The following PXDN variants were observed in gnomAD, a reference collection of about 807,000 sequenced individuals.
PXDN encodes the protein peroxidasin.
A neutral mutation model predicts 140.3 loss-of-function variants in PXDN; 77 were observed. The observed-to-expected ratio is 0.55, with a 90% CI of 0.46 to 0.66. PXDN has a LOEUF of 0.66. Among genes scored for constraint, PXDN ranks in the 30% least tolerant of loss-of-function variants. The pLI is 0.00. For missense variants in PXDN, 1,838 were observed against 2,039.5 expected, an observed-to-expected ratio of 0.90 and a Z score of 1.90; for synonymous variants, 911 against 857.4, an observed-to-expected ratio of 1.06 and a Z score of -1.09.
intron 1 of PXDN, among the ~76,000 whole-genome samples, chr2:1,733,767 A>AAAAAAAG (rs1685365207): frequency 2.7e-5 from 4 of 149,494 alleles, no homozygotes; most frequent in Non-Finnish European, 5.9e-5. Flanking sequence ...AAAAAAAAAA[A>AAAAAAAG]GCAGTGTCAG....
At chr2:1,662,682 G>T (rs1276445315) in intron 12 of PXDN, among the ~76,000 whole-genome samples, 1 of 152,170 alleles carries the variant, frequency 6.6e-6, no homozygotes, top group Non-Finnish European at 1.5e-5. Context: ...TCCCACCCCC[G>T]CATTCTCTAT....
chr2:1,720,722 TCTCACA>T (rs1448680468), intron 1 of PXDN, among the ~76,000 whole-genome samples: 7,009 of 40,418 alleles, frequency 0.17, 563 homozygotes, highest in South Asian at 0.26. Context: ...TCTCTCTCTC[TCTCACA>T]CACACACACA....
At chr2:1,735,256 G>A (rs1244492649) in intron 1 of PXDN, among the ~76,000 whole-genome samples, 1 of 152,160 alleles carries the variant, frequency 6.6e-6, no homozygotes, top group Non-Finnish European at 1.5e-5. Context: ...ACATGTTGAT[G>A]TTTTGACCCC....
intron 1 of PXDN, among the ~76,000 whole-genome samples, chr2:1,735,283 G>T (rs1343827043): frequency 6.6e-6 from 1 of 152,164 alleles, no homozygotes; most frequent in African/African-American, 2.4e-5. Context: ...AATCAAAAAT[G>T]TTCTTAATGG....
intron 1 of PXDN, among the ~76,000 whole-genome samples, chr2:1,700,532 G>A (rs1332970390): frequency 3.3e-5 from 5 of 152,122 alleles, no homozygotes; most frequent in Non-Finnish European, 7.3e-5. Context: ...GTGCCTTCCT[G>A]AAGTAAATCA....
rs74489458 is a variant in PXDN, at chr2:1,735,038, C to A, written c.200+9218G>T. Among the ~76,000 whole-genome samples, 590 of 152,320 alleles carry A rather than the reference C, an allele frequency of 3.9e-3. 3 individuals are homozygous for A. The highest frequency in any genetic ancestry group is 0.013 in the African/African-American group (544 of 41,574). ...CAGGAGTAGAATTCATCTCAAGAAG[C>A]CACTTTTTATGCTCATCCATAGACA... On this transcript the variant is annotated intron_variant, in intron 1 of 22. Coordinates refer to ENST00000252804, the MANE Select transcript of PXDN (RefSeq NM_012293.3).
Position 1,660,274 on chromosome 2 carries a change from C to A in PXDN, c.1837+607G>T, listed in dbSNP as rs949467922. Among the ~76,000 whole-genome samples, 1 of 152,138 alleles carries A rather than the reference C, an allele frequency of 6.6e-6. No homozygotes were observed. The highest frequency in any genetic ancestry group is 1.5e-5 in the Non-Finnish European group (1 of 68,038). ...GCCAGAGTGACCCGGGCCTCTGTTA[C>A]AAGAACCCGGACAAGATGCCAAGGG... On this transcript the variant is annotated intron_variant, in intron 14 of 22. Coordinates refer to ENST00000252804, the MANE Select transcript of PXDN (RefSeq NM_012293.3). The surrounding 1 kb of genome is among the most constrained non-coding windows in gnomAD (Gnocchi z 4.6).
chr2:1,743,540 T>C (rs1276004345), intron 1 of PXDN, among the ~76,000 whole-genome samples: 2 of 137,322 alleles, frequency 1.5e-5, no homozygotes, highest in African/African-American at 5.5e-5. Context: ...CTGCGGGAAC[T>C]GAGGCTCCTC....
chr2:1,648,500 C>A lies in PXDN; in HGVS notation c.3280G>T (p.Asp1094Tyr). Residue 1094 changes from aspartate to tyrosine, a missense_variant, in exon 17 of 23, where the codon GAT becomes TAT. By Grantham distance (160) the Asp-to-Tyr change is radical. This residue lies in a region of PXDN where 850 missense variants were observed against 894.1 expected (regional missense o/e 0.95). Transcript: ENST00000252804. The surrounding 1 kb of genome is among the most constrained non-coding windows in gnomAD (Gnocchi z 8.9). ...AAAGCTTTGTGAAGGGGGAGGTGAT[C>A]TTGTGCAATGGGCTGGAAGTTCTCG... ...LDENFQPIAQ[D>Y]HLPLHKAFFS... 1 of 1,612,484 alleles carries A rather than the reference C, an allele frequency of 6.2e-7. No individual in the cohort carries two copies. The highest frequency in any genetic ancestry group is 1.6e-4 in the Middle Eastern group (1 of 6,062).
In PXDN at chr2:1,648,237, C is replaced by T. The variant is rs372544508; in HGVS notation, c.3543G>A (p.Ala1181=). The T allele has an allele frequency of 9.9e-6, 16 of 1,613,780 alleles. No individual in the cohort carries two copies. Among genetic ancestry groups the T allele is most frequent in the African/African-American group, 4.0e-5 (3 of 74,882 alleles). ...TTTTCAGGTCCTCGAACGTGTGTGC[C>T]GCCGATAGATTGCAGTAGACCCTGT... ...HDYRVYCNLS[A]AHTFEDLKNE... is the part of the protein sequence containing the mutation. Residue 1181 remains alanine (A), a synonymous_variant, in exon 17 of 23, where the codon GCG becomes GCA. Transcript: ENST00000252804. This position sits in a 1 kb window ranked among gnomAD's most constrained non-coding sequence, Gnocchi z 8.9.
At chr2:1,737,470 T>C (rs113208634) in intron 1 of PXDN, among the ~76,000 whole-genome samples, 1 of 152,286 alleles carries the variant, frequency 6.6e-6, no homozygotes, top group African/African-American at 2.4e-5. Flanking sequence ...AGACATCTTT[T>C]AGATTTACTA....
intron 1 of PXDN, among the ~76,000 whole-genome samples, chr2:1,694,716 T>C (rs1347926452): frequency 1.3e-5 from 2 of 152,160 alleles, no homozygotes; most frequent in South Asian, 2.1e-4. Flanking sequence ...ACTCTCCACG[T>C]AGGAGCTGCT....
rs72763565 is a variant in PXDN, at chr2:1,660,283, G to A, written c.1837+598C>T. Reference sequence around the variant, plus strand: ...ACCCGGGCCTCTGTTACAAGAACCCGGACAAGATGCCAAGGGCCTCGGGGT... The same window carrying A: ...ACCCGGGCCTCTGTTACAAGAACCCAGACAAGATGCCAAGGGCCTCGGGGT... On this transcript the variant is annotated intron_variant, in intron 14 of 22. Coordinates refer to ENST00000252804, the MANE Select transcript of PXDN (RefSeq NM_012293.3). This position sits in a 1 kb window ranked among gnomAD's most constrained non-coding sequence, Gnocchi z 4.6. 1.1e-3 allele frequency among the ~76,000 whole-genome samples: 162 copies of A among 152,260 alleles called. No homozygotes were observed. The highest frequency in any genetic ancestry group is 1.7e-3 in the Non-Finnish European group (119 of 68,020).
chr2:1,679,847 GTA>G (rs1219356667), intron 7 of PXDN, among the ~76,000 whole-genome samples: 12 of 145,992 alleles, frequency 8.2e-5, no homozygotes, highest in South Asian at 2.2e-4. Flanking sequence ...GTGTGTGTGT[GTA>G]TGTGCGTGTG....
In PXDN at chr2:1,649,716, G is replaced by A. The variant is rs759958831; in HGVS notation, c.2105-41C>T. ...AAGCAAGACGCACTCAATTCCCCTG[G>A]AGGATGTGTGAGGGCCCGGTACCCC... On this transcript the variant is annotated intron_variant, in intron 16 of 22. Coordinates refer to ENST00000252804, the MANE Select transcript of PXDN (RefSeq NM_012293.3). The surrounding 1 kb of genome is among the most constrained non-coding windows in gnomAD (Gnocchi z 7.1). The A allele has an allele frequency of 6.2e-7, 1 of 1,601,656 alleles. No homozygotes were observed. Among genetic ancestry groups the A allele is most frequent in the Non-Finnish European group, 8.5e-7 (1 of 1,169,682 alleles).
At position 1,649,980 on chromosome 2, in the gene PXDN, C is replaced by G. The variant is rs903318621; in HGVS notation, c.2105-305G>C. On this transcript the variant is annotated intron_variant, in intron 16 of 22. Transcript: ENST00000252804. The surrounding 1 kb of genome is among the most constrained non-coding windows in gnomAD (Gnocchi z 7.1). ...ACCAGCAGCTCTCCTCTGGGAGACC[C>G]CTAACCGATGGAGCCCGACCCACGT... is the stretch of plus-strand genomic sequence containing the variant. Among the ~76,000 whole-genome samples, 2 of 152,106 alleles carry G rather than the reference C, an allele frequency of 1.3e-5. No homozygotes were observed. The highest frequency in any genetic ancestry group is 1.3e-4 in the Admixed American group (2 of 15,284).
Position 1,714,219 on chromosome 2 carries a change from C to A in PXDN, c.201-21085G>T, listed in dbSNP as rs148049210. On this transcript the variant is annotated intron_variant, in intron 1 of 22. Transcript: ENST00000252804. This position sits in a 1 kb window ranked among gnomAD's most constrained non-coding sequence, Gnocchi z 4.3. ...TGCACTTGATTACTATGGATTTACACGTCACACCCGCAGCACCCTTGCGTA... is the reference window on the plus strand; with the variant it reads ...TGCACTTGATTACTATGGATTTACAAGTCACACCCGCAGCACCCTTGCGTA... Among the ~76,000 whole-genome samples the A allele has an allele frequency of 6.6e-6, 1 of 152,210 alleles. No individual in the cohort carries two copies. Among genetic ancestry groups the A allele is most frequent in the Non-Finnish European group, 1.5e-5 (1 of 68,038 alleles).
At chr2:1,713,037 G>A (rs544306360) in intron 1 of PXDN, among the ~76,000 whole-genome samples, 1 of 152,268 alleles carries the variant, frequency 6.6e-6, no homozygotes, top group Admixed American at 6.5e-5. Context: ...TTTGGAGTAT[G>A]TTGTATATTT....
At chr2:1,667,401 T>C (rs1683470275) in intron 9 of PXDN, among the ~76,000 whole-genome samples, 2 of 152,090 alleles carry the variant, frequency 1.3e-5, no homozygotes, top group Admixed American at 6.5e-5. Context: ...CAAAGAATAC[T>C]ACAAACACTT....
Sources: allele counts gnomAD v4.1 joint callset (sites outside exome capture counted in the v4.1 genomes callset), GRCh38; gene constraint gnomAD v4.1.1; regional missense constraint gnomAD v4.1.1; non-coding constraint Gnocchi (gnomAD v3.1); transcripts MANE v1.5; gene names NCBI Gene and HGNC (gene_info 2026-07-23, HGNC 2026-07-21).